NCOR2: variants seen among roughly 807,000 people sequenced by gnomAD.
NCOR2 encodes the protein CTG repeat protein 26.
NCOR2 carries 81 observed loss-of-function variants against 262.9 expected under a neutral mutation model. The observed-to-expected ratio is 0.31, with a 90% CI of 0.26 to 0.37. The LOEUF is 0.37. Ranked by LOEUF, NCOR2 falls within the 10% of genes least tolerant of loss-of-function variation. The probability of loss-of-function intolerance (pLI) is 1.00; values close to 1 mark genes in which losing one functional copy is unlikely to be tolerated. For missense variants in NCOR2, 3,385 were observed against 3,621.4 expected, an observed-to-expected ratio of 0.93 and a Z score of 1.68; for synonymous variants, 1,659 against 1,559.3, an observed-to-expected ratio of 1.06 and a Z score of -1.51.
chr12:124,384,070 G>T (rs2040613082), intron 17 of NCOR2, among the ~76,000 whole-genome samples: 1 of 152,206 alleles, frequency 6.6e-6, no homozygotes, highest in Non-Finnish European at 1.5e-5. Context: ...AAAGTGAAAG[G>T]ACAGCTGGGG....
In NCOR2 at chr12:124,325,425, C is replaced by G. The variant is rs1216174003; in HGVS notation, c.7522G>C (p.Glu2508Gln). The change falls in exon 47 of 47, where the codon GAG becomes CAG. Residue 2508 changes from glutamate to glutamine, a missense_variant. Physicochemically the swap from Glu to Gln is conservative, Grantham distance 29. Transcript: ENST00000405201. Reference sequence around the variant, plus strand: ...AGTCACTCGCTGTCGGAGAGTGTCTCGTACTGCGAGCAGAGCAGTGGCTTG... The same window carrying G: ...AGTCACTCGCTGTCGGAGAGTGTCTGGTACTGCGAGCAGAGCAGTGGCTTG... The G allele has an allele frequency of 1.7e-5, 13 of 787,236 alleles. No homozygotes were observed. The highest frequency in any genetic ancestry group is 2.1e-5 in the Non-Finnish European group (13 of 607,328). The allele number at this position is 787,236 out of a possible 1,614,324, so 48.8% of individuals were successfully genotyped here.
chr12:124,348,032 A>G (rs2037091941), intron 29 of NCOR2, 121 bp from the exon 32 acceptor site: 1 of 1,461,988 alleles, frequency 6.8e-7, no homozygotes. Context: ...AGTAGGACCC[A>G]GCACGGGAAG....
intron 13 of NCOR2, among the ~76,000 whole-genome samples, chr12:124,407,820 C>A (rs571796126): frequency 6.6e-6 from 1 of 152,216 alleles, no homozygotes; most frequent in Non-Finnish European, 1.5e-5. Context: ...CCTGAGAGGG[C>A]GCATCCTCAT....
At chr12:124,393,965 A>G (rs2041489977) in intron 16 of NCOR2, among the ~76,000 whole-genome samples, 1 of 152,248 alleles carries the variant, frequency 6.6e-6, no homozygotes, top group African/African-American at 2.4e-5. Context: ...GGCCCCCAGC[A>G]CCATGGAAGT....
intron 17 of NCOR2, among the ~76,000 whole-genome samples, chr12:124,383,979 C>T (rs1009347494): frequency 1.4e-5 from 2 of 145,912 alleles, no homozygotes; most frequent in East Asian, 2.0e-4. Context: ...CAGGCTGCAG[C>T]GGGGGGAGAC....
At position 124,480,715 on chromosome 12, in the gene NCOR2, C is replaced by G. The variant is rs373029840; in HGVS notation, c.411+2881G>C. Among the ~76,000 whole-genome samples the G allele has an allele frequency of 2.2e-4, 33 of 152,058 alleles. No homozygotes were observed. The East Asian group carries it at 6.0e-3, about 28-fold the overall frequency. On this transcript the variant is annotated intron_variant, in intron 3 of 46. Coordinates refer to ENST00000405201, the Ensembl canonical transcript of NCOR2. Reference sequence around the variant, plus strand: ...TGTCGTTCTCCAGCCAAGAAATGGCCACGGGCCAAGCACCCCCAGGCGCCC... The same window carrying G: ...TGTCGTTCTCCAGCCAAGAAATGGCGACGGGCCAAGCACCCCCAGGCGCCC...
At position 124,462,799 on chromosome 12, in the gene NCOR2, T is replaced by C. The variant is rs146174143; in HGVS notation, c.705+3374A>G. ...TTCACGGTGACTGTTAATGGTATTA[T>C]TCTTCTTTGCCCTGCTCAGTCCCGA... On this transcript the variant is annotated intron_variant, in intron 5 of 46. Transcript: ENST00000405201. 4.2e-3 allele frequency among the ~76,000 whole-genome samples: 633 copies of C among 152,342 alleles called. 7 individuals are homozygous for C. Among genetic ancestry groups the C allele is most frequent in the African/African-American group, 0.014 (580 of 41,572 alleles).
chr12:124,329,231 G>A, intron 44 of NCOR2: 1 of 450,292 alleles, frequency 2.2e-6, no homozygotes. Context: ...GAGGCCCAAT[G>A]TGGGTGGATC....
At chr12:124,477,336 G>A (rs141142152) in intron 3 of NCOR2, among the ~76,000 whole-genome samples, 3,059 of 152,310 alleles carry the variant, frequency 0.02, 98 homozygotes, top group African/African-American at 0.07. Context: ...GAAGAAGGAC[G>A]TGTTTGCTTC....
chr12:124,383,118 G>A (rs1565894757), intron 17 of NCOR2, among the ~76,000 whole-genome samples: 1 of 152,172 alleles, frequency 6.6e-6, no homozygotes, highest in Non-Finnish European at 1.5e-5. Flanking sequence ...AGTGTCTGGG[G>A]CATACTAGGC....
At chr12:124,502,408 G>A (rs184549824) in intron 1 of NCOR2, among the ~76,000 whole-genome samples, 1 of 152,212 alleles carries the variant, frequency 6.6e-6, no homozygotes, top group Non-Finnish European at 1.5e-5. Flanking sequence ...GTGTTAGCAC[G>A]ATGGAGAAAA....
At chr12:124,402,436 C>T (rs758225706) in exon 14 of NCOR2, 18 of 1,613,984 alleles carry the variant, frequency 1.1e-5, no homozygotes, top group East Asian at 4.5e-5. Context: ...TCTCCACCTC[C>T]GGCTTCTCCT....
intron 1 of NCOR2, among the ~76,000 whole-genome samples, chr12:124,547,725 G>C (rs1465109014): frequency 6.6e-6 from 1 of 152,092 alleles, no homozygotes; most frequent in Non-Finnish European, 1.5e-5. Flanking sequence ...CCATGGGTTT[G>C]CCTGTTCTGG....
At chr12:124,410,948 G>A (rs1026457135) in intron 13 of NCOR2, among the ~76,000 whole-genome samples, 5 of 150,034 alleles carry the variant, frequency 3.3e-5, no homozygotes, top group African/African-American at 1.2e-4. Context: ...TGGGAGGGAG[G>A]AGAGAGAAAG....
At chr12:124,343,127 G>C (rs752408513) in exon 33 of NCOR2, 8 of 1,612,262 alleles carry the variant, frequency 5.0e-6, no homozygotes, top group Non-Finnish European at 5.9e-6. Flanking sequence ...GATGGGGTGT[G>C]GGTGGTGCTC....
intron 1 of NCOR2, among the ~76,000 whole-genome samples, chr12:124,524,186 C>A (rs1013594987): frequency 3.9e-5 from 6 of 152,170 alleles, no homozygotes; most frequent in African/African-American, 1.2e-4. Context: ...CTGGCCCATT[C>A]AATGTTTTTT....
intron 17 of NCOR2, among the ~76,000 whole-genome samples, chr12:124,384,700 C>A (rs954808522): frequency 2.0e-5 from 3 of 152,176 alleles, no homozygotes; most frequent in Non-Finnish European, 4.4e-5. Flanking sequence ...CTCACCCTCT[C>A]TGGGCCTCAG....
intron 13 of NCOR2, among the ~76,000 whole-genome samples, chr12:124,409,484 TC>T (rs1358945133): frequency 6.6e-6 from 1 of 152,208 alleles, no homozygotes. Context: ...AAAGCTGCCC[TC>T]CTGCCCAGCA....
chr12:124,502,483 G>A lies in NCOR2; in HGVS notation c.-117-7115C>T, dbSNP rs148173979. ...TTTGAAAGTGGGCAGTCAGGGGTGC[G>A]TCACCAGAGGTGCCTTTTATGCAAA... On this transcript the variant is annotated intron_variant, in intron 1 of 46. Coordinates refer to the NCOR2 transcript ENST00000404621. Among the ~76,000 whole-genome samples the A allele has an allele frequency of 1.5e-3, 221 of 152,296 alleles. 1 individual carries two copies. Among genetic ancestry groups the A allele is most frequent in the East Asian group, 0.013 (68 of 5,174 alleles).
Sources: gnomAD v4.1 joint callset for allele counts (sites outside exome capture counted in the v4.1 genomes callset) on GRCh38, gnomAD v4.1.1 for gene constraint, MANE v1.5 for transcripts, NCBI Gene and HGNC (gene_info 2026-07-23, HGNC 2026-07-21) for gene names.